The following POU2F1 variants were observed in gnomAD, a reference collection of about 807,000 sequenced individuals.
POU2F1 encodes the protein POU class 2 homeobox 1.
Under a neutral mutation model 84.9 loss-of-function variants are expected in POU2F1, and 16 were observed. The observed-to-expected ratio is 0.19, with a 90% CI of 0.13 to 0.29. The LOEUF is 0.29. POU2F1 is among the 10% of genes least tolerant of loss of function. The probability of loss-of-function intolerance (pLI) is 1.00; values close to 1 mark genes in which losing one functional copy is unlikely to be tolerated. For missense variants in POU2F1, 738 were observed against 942.6 expected (o/e 0.78, Z 2.84); for synonymous variants, 368 against 368.3 (o/e 1.00, Z 0.01).
rs1318604742 is a variant in POU2F1, at chr1:167,415,537, T to G, written c.2028T>G (p.Leu676=). Residue 676 remains leucine (L), a synonymous_variant, in exon 16 of 16, where the codon CTT becomes CTG. Coordinates refer to ENST00000367866, the MANE Select transcript of POU2F1 (RefSeq NM_002697.4). Reference sequence around the variant, plus strand: ...GTGGCTCTCTTCCAATAACATCACTTGATGCAACTGGGAACCTGGTATTTG... The same window carrying G: ...GTGGCTCTCTTCCAATAACATCACTGGATGCAACTGGGAACCTGGTATTTG... The part of the protein sequence containing the change: ...ASGGSLPITS[L]DATGNLVFAN... 6.2e-7 allele frequency: 1 copy of G among 1,614,170 alleles called. No individual in the cohort carries two copies. Among genetic ancestry groups the G allele is most frequent in the Non-Finnish European group, 8.5e-7 (1 of 1,180,020 alleles).
intron 1 of POU2F1, among the ~76,000 whole-genome samples, chr1:167,308,794 C>T (rs1260602582): frequency 6.6e-6 from 1 of 152,210 alleles, no homozygotes; most frequent in African/African-American, 2.4e-5. Context: ...GCTGGGATTA[C>T]AGGCATGAGC....
chr1:167,411,041 C>CTT (rs749882885), intron 13 of POU2F1, among the ~76,000 whole-genome samples: 2 of 144,106 alleles, frequency 1.4e-5, no homozygotes, highest in Non-Finnish European at 3.1e-5. Context: ...CAAATAATTT[C>CTT]TTTTTTTTTT....
At chr1:167,306,068 C>G (rs952852155) in intron 1 of POU2F1, among the ~76,000 whole-genome samples, 1 of 152,112 alleles carries the variant, frequency 6.6e-6, no homozygotes, top group Non-Finnish European at 1.5e-5. Context: ...ACTTGTTAAC[C>G]CTCCACATTC....
At position 167,352,668 on chromosome 1, in the gene POU2F1, CT is replaced by C. The variant is rs199514939; in HGVS notation, c.128-12794del. Among the ~76,000 whole-genome samples the C allele has an allele frequency of 4.6e-3, 704 of 152,220 alleles. 6 individuals carry two copies. The highest frequency in any genetic ancestry group is 0.015 in the African/African-American group (636 of 41,556). ...TGTAAAACAAGGAGCTTGATTAGTT[CT>C]TTTTAATGTCCCTTTCAGCTTTACC... On this transcript the variant is annotated intron_variant, in intron 2 of 15. Transcript: ENST00000367866.
intron 1 of POU2F1, among the ~76,000 whole-genome samples, chr1:167,252,889 A>G (rs1650837231): frequency 6.6e-6 from 1 of 152,216 alleles, no homozygotes; most frequent in Non-Finnish European, 1.5e-5. Context: ...CTAAGGTAGC[A>G]TTTCTGTTAT....
intron 1 of POU2F1, among the ~76,000 whole-genome samples, chr1:167,297,346 T>C (rs754618753): frequency 6.6e-6 from 1 of 152,210 alleles, no homozygotes; most frequent in East Asian, 1.9e-4. Context: ...GCTAATCTGA[T>C]TGAGAAACCA....
intron 2 of POU2F1, among the ~76,000 whole-genome samples, chr1:167,351,225 G>A (rs751360707): frequency 2.6e-5 from 4 of 151,200 alleles, no homozygotes; most frequent in East Asian, 2.0e-4. Context: ...GTGGTGGCAC[G>A]TGCCTGTAAT....
intron 2 of POU2F1, among the ~76,000 whole-genome samples, chr1:167,362,896 C>T (rs1659435143): frequency 6.6e-6 from 1 of 152,104 alleles, no homozygotes; most frequent in Non-Finnish European, 1.5e-5. Context: ...AAGACATGCT[C>T]CTGACTGGGC....
intron 1 of POU2F1, among the ~76,000 whole-genome samples, chr1:167,315,008 C>G (rs1655784795): frequency 6.6e-6 from 1 of 152,146 alleles, no homozygotes; most frequent in African/African-American, 2.4e-5. Context: ...GTCTCTGTCT[C>G]TCTTGCTCCT....
At chr1:167,334,202 C>T (rs1657275386) in intron 2 of POU2F1, among the ~76,000 whole-genome samples, 1 of 130,976 alleles carries the variant, frequency 7.6e-6, no homozygotes, top group Non-Finnish European at 1.6e-5. Flanking sequence ...CTCTTGTTTC[C>T]CAGGCGGGAG....
At chr1:167,236,576 C>T (rs555131604) in intron 1 of POU2F1, among the ~76,000 whole-genome samples, 15 of 152,222 alleles carry the variant, frequency 9.9e-5, no homozygotes, top group African/African-American at 3.4e-4. Context: ...TCTCTTTCGA[C>T]GTGTGCCTGC....
intron 1 of POU2F1, among the ~76,000 whole-genome samples, chr1:167,267,899 C>A (rs1652092640): frequency 6.6e-6 from 1 of 151,972 alleles, no homozygotes; most frequent in Non-Finnish European, 1.5e-5. Flanking sequence ...CTCGAGCCTC[C>A]CAAAGTGCTG....
chr1:167,292,184 C>G (rs575252209), intron 1 of POU2F1, among the ~76,000 whole-genome samples: 1 of 151,728 alleles, frequency 6.6e-6, no homozygotes, highest in Non-Finnish European at 1.5e-5. Flanking sequence ...TCTTTTTTGT[C>G]TCTATTATGA....
intron 1 of POU2F1, among the ~76,000 whole-genome samples, chr1:167,299,910 G>A (rs534366428): frequency 6.6e-6 from 1 of 152,242 alleles, no homozygotes; most frequent in Admixed American, 6.5e-5. Context: ...GGCCAAAAAA[G>A]TGCATTTCTA....
chr1:167,414,629 G>A lies in POU2F1; in HGVS notation c.1991-871G>A. On this transcript the variant is annotated intron_variant, in intron 15 of 15. Transcript: ENST00000367866. ...TAAAATGTTGATGATGCCTTCTTTG[G>A]GGAAGCAACAGCATCATAGAAAATT... The A allele has an allele frequency of 4.1e-6, 4 of 985,270 alleles. No homozygotes were observed. In the South Asian group the frequency reaches 1.4e-4, roughly 35 times the overall value. The allele number at this position is 985,270 out of a possible 1,614,324, so 61.0% of individuals were successfully genotyped here. A position where few individuals can be genotyped will look rare whatever the true frequency, so the allele number is the denominator to read the frequency against.
At chr1:167,346,125 T>C (rs1432936656) in intron 2 of POU2F1, among the ~76,000 whole-genome samples, 1 of 151,836 alleles carries the variant, frequency 6.6e-6, no homozygotes, top group East Asian at 1.9e-4. Flanking sequence ...CAGTGAACCA[T>C]GATTGCGCCA....
In POU2F1 at chr1:167,401,538, A is replaced by G. The variant is rs1223691177; in HGVS notation, c.1537A>G (p.Thr513Ala). 2 of 1,605,494 alleles carry G rather than the reference A, an allele frequency of 1.2e-6. No individual in the cohort carries two copies. The highest frequency in any genetic ancestry group is 1.7e-6 in the Non-Finnish European group (2 of 1,176,210). ...PVLPLTSAAV[T>A]NLSVTGTSDT... ...CCTCCCTCTGACCAGTGCTGCTGTGACGAATCTTTCAGTTACAGGTAAGCA... is the reference window on the plus strand; with the variant it reads ...CCTCCCTCTGACCAGTGCTGCTGTGGCGAATCTTTCAGTTACAGGTAAGCA... The change falls in exon 13 of 16, where the codon ACG becomes GCG. Residue 513 changes from threonine (T) to alanine (A), a missense_variant. Physicochemically the swap from Thr to Ala is moderately conservative, Grantham distance 58 (BLOSUM62 0). Transcript: ENST00000367866.
At chr1:167,390,596 T>C (rs2101895035) in intron 9 of POU2F1, among the ~76,000 whole-genome samples, 1 of 151,028 alleles carries the variant, frequency 6.6e-6, no homozygotes, top group South Asian at 2.1e-4. Flanking sequence ...ACCAGCCTGA[T>C]CTCTGGTGGG....
chr1:167,359,827 G>A (rs550312448), intron 2 of POU2F1, among the ~76,000 whole-genome samples: 1 of 144,120 alleles, frequency 6.9e-6, no homozygotes, highest in South Asian at 2.2e-4. Flanking sequence ...TTTTTTTTCA[G>A]CTTTGTCAAC....
Sources: gnomAD v4.1 joint callset for allele counts (sites outside exome capture counted in the v4.1 genomes callset) on GRCh38, gnomAD v4.1.1 for gene constraint, MANE v1.5 for transcripts, NCBI Gene and HGNC (gene_info 2026-07-23, HGNC 2026-07-21) for gene names.